Variants in EIF2A observed in about 807,000 individuals in gnomAD.
EIF2A encodes the protein 65 kDa eukaryotic translation initiation factor 2A.
A neutral mutation model predicts 75.2 loss-of-function variants in EIF2A; 62 were observed. That is an observed-to-expected ratio of 0.82 (90% confidence interval 0.67 to 1.02). The LOEUF (loss-of-function observed/expected upper bound fraction) is 1.02, where lower values mean the gene tolerates loss of function less well. Ranked by LOEUF, EIF2A falls within the 50% of genes least tolerant of loss-of-function variation. The pLI, the probability that EIF2A is intolerant of heterozygous loss-of-function variation, is 0.00. For synonymous variants in EIF2A, 207 were observed against 239.0 expected, an observed-to-expected ratio of 0.87 and a Z score of 1.23; for missense variants, 611 against 677.7, an observed-to-expected ratio of 0.90 and a Z score of 1.09.
At chr3:150,550,004 TTC>T (rs916137521) in intron 1 of EIF2A, among the ~76,000 whole-genome samples, 56 of 152,334 alleles carry the variant, frequency 3.7e-4, no homozygotes, top group African/African-American at 1.3e-3. Flanking sequence ...CCCTGTGTTT[TTC>T]TCTCTCTAAC....
intron 10 of EIF2A, among the ~76,000 whole-genome samples, chr3:150,575,255 A>G (rs189908970): frequency 6.6e-6 from 1 of 152,294 alleles, no homozygotes; most frequent in Admixed American, 6.5e-5. Context: ...CTAGCAAGTA[A>G]TTCTTTGTGT....
At position 150,552,413 on chromosome 3, in the gene EIF2A, CA is replaced by C. The variant is rs1420921468; in HGVS notation, c.87del (p.Val30CysfsTer30). On this transcript the variant is annotated frameshift_variant, in exon 2 of 14. Coordinates refer to ENST00000460851, the MANE Select transcript of EIF2A (RefSeq NM_032025.5). LOFTEE classifies it high-confidence loss of function. The stretch of plus-strand genomic sequence containing the variant: ...GGACCACCACATTTTACAGAAAGCA[CA>C]GTGTTTCCAAGGTATGATTTATTTT... The part of the protein sequence containing the change: ...VNGPPHFTES[T>X]VFPRESGKNC... 6.4e-7 allele frequency: 1 copy of C among 1,552,964 alleles called. No individual in the cohort carries two copies. Among genetic ancestry groups the C allele is most frequent in the East Asian group, 2.4e-5 (1 of 41,116 alleles).
intron 13 of EIF2A, 77 bp downstream of exon 13, chr3:150,583,342 A>G: frequency 7.3e-7 from 1 of 1,371,628 alleles, no homozygotes; most frequent in South Asian, 1.3e-5. Flanking sequence ...GTATTTAGTC[A>G]GGTAAAAGAG....
At chr3:150,562,059 C>CT (rs370141701) in intron 3 of EIF2A, among the ~76,000 whole-genome samples, 80 of 150,640 alleles carry the variant, frequency 5.3e-4, no homozygotes, top group Middle Eastern at 3.4e-3. Context: ...GCACCTGGCC[C>CT]TTTTTTTTTG....
At chr3:150,553,518 C>T (rs1296591377) in intron 2 of EIF2A, among the ~76,000 whole-genome samples, 2 of 151,990 alleles carry the variant, frequency 1.3e-5, no homozygotes, top group Non-Finnish European at 2.9e-5. Context: ...AAGCGATTCT[C>T]CTGCCTCAGC....
At position 150,567,757 on chromosome 3, in the gene EIF2A, A is replaced by G. The variant is rs371505750; in HGVS notation, c.540A>G (p.Gln180=). The change falls in exon 7 of 14, where the codon CAA becomes CAG. Residue 180 remains glutamine, a synonymous_variant. Transcript: ENST00000460851. ...INDFVLSPGP[Q]PYKVAVYVPG... is the part of the protein sequence containing the mutation. ...ATTTTGTATTATCACCTGGACCCCA[A>G]CCATACAAGGTAATTGCTGTTTTTG... is the stretch of plus-strand genomic sequence containing the variant. The G allele has an allele frequency of 3.2e-6, 5 of 1,566,692 alleles. No individual in the cohort carries two copies. Among genetic ancestry groups the G allele is most frequent in the South Asian group, 1.2e-5 (1 of 85,502 alleles).
intron 3 of EIF2A, among the ~76,000 whole-genome samples, chr3:150,559,672 G>T (rs1163691489): frequency 1.3e-5 from 2 of 151,912 alleles, no homozygotes; most frequent in African/African-American, 4.8e-5. Context: ...TGTATTTTTA[G>T]TAGAGATGGT....
At chr3:150,548,823 G>A (rs949300084) in intron 1 of EIF2A, among the ~76,000 whole-genome samples, 2 of 152,126 alleles carry the variant, frequency 1.3e-5, no homozygotes, top group Non-Finnish European at 1.5e-5. Flanking sequence ...CATATTCTTA[G>A]AGGCCCAGAG....
intron 2 of EIF2A, 124 bp downstream of exon 2, chr3:150,552,549 A>G: frequency 1.4e-6 from 1 of 738,998 alleles, no homozygotes; most frequent in South Asian, 2.1e-5. Flanking sequence ...ATTGTATAAT[A>G]TTTACCGAAG....
At chr3:150,552,233 C>G (rs1169655862) in intron 1 of EIF2A, 123 bp from the exon 2 acceptor site, 1 of 761,480 alleles carries the variant, frequency 1.3e-6, no homozygotes, top group Admixed American at 2.8e-5. Context: ...TTCTATAGTT[C>G]AATGAAATAT....
In EIF2A at chr3:150,583,901, T is replaced by G. The variant is rs1725330706; in HGVS notation, c.1748T>G (p.Leu583Trp). The change falls in exon 14 of 14, where the codon TTG becomes TGG. Residue 583 changes from leucine (L) to tryptophan (W), a missense_variant. Physicochemically the swap from Leu to Trp is moderately conservative, Grantham distance 61. Transcript: ENST00000460851. ...CTCCAGGAGCTGGAAGATTTGGAAT[T>G]GGGTATTTAAAGATTCACGGAAAGC... ...ALLQELEDLE[L>W]GI 6.2e-7 allele frequency: 1 copy of G among 1,613,414 alleles called. No individual in the cohort carries two copies. Among genetic ancestry groups the G allele is most frequent in the African/African-American group, 1.3e-5 (1 of 74,894 alleles).
intron 13 of EIF2A, 47 bp downstream of exon 13, chr3:150,583,312 C>T: frequency 6.5e-7 from 1 of 1,544,500 alleles, no homozygotes; most frequent in Non-Finnish European, 8.9e-7. Context: ...CACCAGCCTT[C>T]CCCCTTTTAT....
chr3:150,580,301 C>T (rs1276777026), intron 11 of EIF2A, among the ~76,000 whole-genome samples: 2 of 152,064 alleles, frequency 1.3e-5, no homozygotes, highest in African/African-American at 4.8e-5. Context: ...AGAGCTATGC[C>T]TGAAACCACA....
At chr3:150,574,000 A>G (rs188157840) in intron 10 of EIF2A, among the ~76,000 whole-genome samples, 20 of 152,214 alleles carry the variant, frequency 1.3e-4, no homozygotes, top group East Asian at 3.9e-4. Context: ...GCCTGAGCTC[A>G]GGAGTTTGAG....
chr3:150,568,054 A>G lies in EIF2A; in HGVS notation c.694+8A>G. 6.2e-7 allele frequency: 1 copy of G among 1,606,346 alleles called. No homozygotes were observed. The highest frequency in any genetic ancestry group is 8.5e-7 in the Non-Finnish European group (1 of 1,177,388). On this transcript the variant is annotated splice_region_variant and intron_variant, in intron 8 of 13. Transcript: ENST00000460851. ...TGCTGTGGAATAAAAAAGGTATGTT[A>G]AGTATATTTTATCCCTCCCTTTGTT...
At chr3:150,583,733 T>C in intron 13 of EIF2A, 113 bp from the exon 14 acceptor site, 2 of 934,090 alleles carry the variant, frequency 2.1e-6, no homozygotes, top group Non-Finnish European at 3.2e-6. Flanking sequence ...TTTTAAAATC[T>C]GTGTTTACTA....
In EIF2A at chr3:150,563,512, C is replaced by T; in HGVS notation, c.293-3C>T. The T allele has an allele frequency of 6.5e-7, 1 of 1,539,760 alleles. No homozygotes were observed. Among genetic ancestry groups the T allele is most frequent in the Non-Finnish European group, 8.7e-7 (1 of 1,143,196 alleles). ...TTACTGAAAAAAAGAAATTTTATTG[C>T]AGCTTCTAAAGATGGCACAGCTGGG... On this transcript the variant is annotated splice_polypyrimidine_tract_variant and splice_region_variant and intron_variant, in intron 4 of 13. Transcript: ENST00000460851.
intron 1 of EIF2A, among the ~76,000 whole-genome samples, chr3:150,549,986 T>TTA (rs1723237276): frequency 6.6e-6 from 1 of 152,210 alleles, no homozygotes; most frequent in South Asian, 2.1e-4. Flanking sequence ...GATCCTTGTT[T>TTA]ATTGAAGCCC....
chr3:150,583,935 G>A lies in EIF2A; in HGVS notation c.*24G>A, dbSNP rs1169250447. On this transcript the variant is annotated 3_prime_UTR_variant, in exon 14 of 14. Coordinates refer to ENST00000460851, the MANE Select transcript of EIF2A (RefSeq NM_032025.5). ...AAAGATTCACGGAAAGCAAGTTGATGACCAGAAATCAGTGCAAACACATCT... is the reference window on the plus strand; with the variant it reads ...AAAGATTCACGGAAAGCAAGTTGATAACCAGAAATCAGTGCAAACACATCT... 2.5e-6 allele frequency: 4 copies of A among 1,611,900 alleles called. No individual in the cohort carries two copies. Among genetic ancestry groups the A allele is most frequent in the Middle Eastern group, 1.6e-4 (1 of 6,078 alleles).
Sources: allele counts gnomAD v4.1 joint callset (sites outside exome capture counted in the v4.1 genomes callset), GRCh38; gene constraint gnomAD v4.1.1; transcripts MANE v1.5; gene names NCBI Gene and HGNC (gene_info 2026-07-23, HGNC 2026-07-21).